EGLN1: variants seen among roughly 807,000 people sequenced by gnomAD.
EGLN1 encodes egl-9 family hypoxia inducible factor 1.
A neutral mutation model predicts 38.3 loss-of-function variants in EGLN1; 17 were observed. The ratio of observed to expected loss-of-function variants is 0.44; its 90% CI spans 0.30 to 0.67. EGLN1 has a LOEUF of 0.67. EGLN1 is among the 30% of genes least tolerant of loss of function. EGLN1 has a pLI of 0.08. For synonymous variants in EGLN1, 283 were observed against 257.5 expected, an observed-to-expected ratio of 1.10 and a Z score of -0.95; for missense variants, 477 against 603.3, an observed-to-expected ratio of 0.79 and a Z score of 2.19.
intron 2 of EGLN1, 76 bp downstream of exon 2, chr1:231,373,904 C>G: frequency 6.5e-7 from 1 of 1,538,520 alleles, no homozygotes; most frequent in African/African-American, 1.4e-5. Context: ...ACAGTCTTAT[C>G]AGAAGTATGA....
chr1:231,422,082 G>T lies in EGLN1; in HGVS notation c.-194C>A. ...CCGCTTCCGAGTCCTAAGCTCCGGCGCAGCGCCGGCAGCCGCCTCAGCGCC... is the reference window on the plus strand; with the variant it reads ...CCGCTTCCGAGTCCTAAGCTCCGGCTCAGCGCCGGCAGCCGCCTCAGCGCC... On this transcript the variant is annotated 5_prime_UTR_variant, in exon 1 of 5. Coordinates refer to ENST00000366641, the MANE Select transcript of EGLN1 (RefSeq NM_022051.3). The T allele has an allele frequency of 4.3e-6, 2 of 460,250 alleles. No homozygotes were observed. The highest frequency in any genetic ancestry group is 7.1e-6 in the Non-Finnish European group (2 of 280,696). The allele number at this position is 460,250 out of a possible 1,614,324, so 28.5% of individuals were successfully genotyped here.
chr1:231,401,362 C>G (rs990558277), intron 1 of EGLN1, among the ~76,000 whole-genome samples: 2 of 152,096 alleles, frequency 1.3e-5, no homozygotes, highest in African/African-American at 4.8e-5. Context: ...AGAAAGAGCA[C>G]CTAATAGTGC....
chr1:231,396,699 C>T (rs1688540024), intron 1 of EGLN1, among the ~76,000 whole-genome samples: 1 of 152,210 alleles, frequency 6.6e-6, no homozygotes, highest in Non-Finnish European at 1.5e-5. Flanking sequence ...TCTGGATGTC[C>T]ACAAGCAAAG....
At chr1:231,406,385 T>C (rs1335365841) in intron 1 of EGLN1, among the ~76,000 whole-genome samples, 3 of 152,028 alleles carry the variant, frequency 2.0e-5, no homozygotes, top group Non-Finnish European at 4.4e-5. Flanking sequence ...AAAGCAAGAA[T>C]TAACCTAGCA....
intron 1 of EGLN1, among the ~76,000 whole-genome samples, chr1:231,416,558 A>C (rs2050792): frequency 6.6e-6 from 1 of 151,508 alleles, no homozygotes; most frequent in Non-Finnish European, 1.5e-5. Context: ...TTAGAGACAA[A>C]GTCTCACCAT....
At chr1:231,403,500 G>T (rs1418493132) in intron 1 of EGLN1, among the ~76,000 whole-genome samples, 1 of 152,046 alleles carries the variant, frequency 6.6e-6, no homozygotes, top group Non-Finnish European at 1.5e-5. Flanking sequence ...GCTGGGTGCA[G>T]TGGCTCATGC....
intron 1 of EGLN1, among the ~76,000 whole-genome samples, chr1:231,397,491 T>C (rs1193277112): frequency 1.3e-5 from 2 of 152,196 alleles, no homozygotes; most frequent in Non-Finnish European, 2.9e-5. Flanking sequence ...TAAATAAAAT[T>C]TTACTGGAAC....
intron 3 of EGLN1, among the ~76,000 whole-genome samples, chr1:231,368,891 C>A (rs1687738347): frequency 6.6e-6 from 1 of 152,158 alleles, no homozygotes; most frequent in South Asian, 2.1e-4. Flanking sequence ...TCCAGAGTTC[C>A]ACTACCTTTC....
At chr1:231,379,898 T>TA (rs779564368) in intron 1 of EGLN1, among the ~76,000 whole-genome samples, 15 of 152,350 alleles carry the variant, frequency 9.8e-5, no homozygotes, top group Non-Finnish European at 1.9e-4. Context: ...GTTCTACAGT[T>TA]AAATCTTTTT....
At chr1:231,402,702 T>C (rs1279317260) in intron 1 of EGLN1, among the ~76,000 whole-genome samples, 1 of 152,126 alleles carries the variant, frequency 6.6e-6, no homozygotes, top group Non-Finnish European at 1.5e-5. Flanking sequence ...CCCAAAGTTC[T>C]GGGATTACAA....
At position 231,392,708 on chromosome 1, in the gene EGLN1, C is replaced by T. The variant is rs1465769657; in HGVS notation, c.892-18609G>A. Among the ~76,000 whole-genome samples the T allele has an allele frequency of 5.9e-5, 9 of 152,158 alleles. 1 individual carries two copies. Among genetic ancestry groups the T allele is most frequent in the African/African-American group, 2.2e-4 (9 of 41,430 alleles). On this transcript the variant is annotated intron_variant, in intron 1 of 4. Coordinates refer to ENST00000366641, the MANE Select transcript of EGLN1 (RefSeq NM_022051.3). Reference sequence around the variant, plus strand: ...TAAAAGACTAGCATAGCACCTGGTACCTAGTAAGCATCTAACAAATGTCAC... The same window carrying T: ...TAAAAGACTAGCATAGCACCTGGTATCTAGTAAGCATCTAACAAATGTCAC...
At chr1:231,400,463 T>C (rs1183087298) in intron 1 of EGLN1, among the ~76,000 whole-genome samples, 1 of 152,168 alleles carries the variant, frequency 6.6e-6, no homozygotes, top group Non-Finnish European at 1.5e-5. Flanking sequence ...CTGCATACAT[T>C]GCCTGAGTTA....
In EGLN1 at chr1:231,421,794, C is replaced by T. The variant is rs867477927; in HGVS notation, c.95G>A (p.Arg32His). 1.3e-6 allele frequency: 2 copies of T among 1,559,122 alleles called. No homozygotes were observed. The highest frequency in any genetic ancestry group is 1.7e-6 in the Non-Finnish European group (2 of 1,162,582). Residue 32 changes from arginine (R) to histidine (H), a missense_variant, in exon 1 of 5, where the codon CGC becomes CAC. Arg to His is a conservative substitution (Grantham distance 29). This residue lies in a region of EGLN1 where 298 missense variants were observed against 288.9 expected (regional missense o/e 1.03). Coordinates refer to ENST00000366641, the MANE Select transcript of EGLN1 (RefSeq NM_022051.3). The surrounding 1 kb of genome is among the most constrained non-coding windows in gnomAD (Gnocchi z 5.5). ...ELCGKMENLL[R>H]CSRCRSSFYC... Reference sequence around the variant, plus strand: ...GAAGGAGCTGCGGCAGCGGCTGCAGCGCAGCAGGTTCTCCATCTTCCCGCA... The same window carrying T: ...GAAGGAGCTGCGGCAGCGGCTGCAGTGCAGCAGGTTCTCCATCTTCCCGCA...
At chr1:231,418,090 A>T (rs1293245631) in intron 1 of EGLN1, among the ~76,000 whole-genome samples, 1 of 139,324 alleles carries the variant, frequency 7.2e-6, no homozygotes, top group Non-Finnish European at 1.5e-5. Context: ...TAACTTTTAA[A>T]ATCACTATAA....
intron 1 of EGLN1, among the ~76,000 whole-genome samples, chr1:231,407,429 A>G (rs2808608): frequency 0.52 from 79,306 of 152,012 alleles, 22,867 homozygotes; most frequent in Non-Finnish European, 0.64. Flanking sequence ...CAAATCCATG[A>G]TAATTTTAGA....
intron 1 of EGLN1, among the ~76,000 whole-genome samples, chr1:231,401,111 G>T (rs973824615): frequency 2.0e-5 from 3 of 152,044 alleles, no homozygotes; most frequent in Non-Finnish European, 4.4e-5. Context: ...TCAAGTAGGA[G>T]ACCTGAAAAT....
At chr1:231,406,436 C>T (rs1451415223) in intron 1 of EGLN1, among the ~76,000 whole-genome samples, 6 of 152,040 alleles carry the variant, frequency 3.9e-5, no homozygotes, top group African/African-American at 1.4e-4. Context: ...AAGACATTAT[C>T]ACTATATGGT....
chr1:231,366,294 C>T lies in EGLN1; in HGVS notation c.*117G>A. On this transcript the variant is annotated 3_prime_UTR_variant, in exon 5 of 5. Transcript: ENST00000366641. Reference sequence around the variant, plus strand: ...GCAACACAAAAAGTTGTTTCTGTTTCCTTATTAAAATGCGAACTGGTTGTC... The same window carrying T: ...GCAACACAAAAAGTTGTTTCTGTTTTCTTATTAAAATGCGAACTGGTTGTC... The T allele has an allele frequency of 2.6e-6, 3 of 1,173,762 alleles. No individual in the cohort carries two copies. The highest frequency in any genetic ancestry group is 3.8e-6 in the Non-Finnish European group (3 of 797,402). The allele number at this position is 1,173,762 out of a possible 1,614,324, so 72.7% of individuals were successfully genotyped here. A position where few individuals can be genotyped will look rare whatever the true frequency, so the allele number is the denominator to read the frequency against.
chr1:231,392,854 C>T (rs1471677324), intron 1 of EGLN1, among the ~76,000 whole-genome samples: 2 of 152,196 alleles, frequency 1.3e-5, no homozygotes, highest in Non-Finnish European at 2.9e-5. Context: ...GGCATCCATT[C>T]CCCTTCTTCT....
Sources: gnomAD v4.1 joint callset for allele counts (sites outside exome capture counted in the v4.1 genomes callset) on GRCh38, gnomAD v4.1.1 for gene constraint, gnomAD v4.1.1 regional missense constraint, Gnocchi (gnomAD v3.1) non-coding constraint, MANE v1.5 for transcripts, NCBI Gene and HGNC (gene_info 2026-07-23, HGNC 2026-07-21) for gene names.